Variants in CCDC14 observed in about 807,000 individuals in gnomAD.
CCDC14 encodes the protein coiled-coil domain-containing protein 14.
Under a neutral mutation model 81.4 loss-of-function variants are expected in CCDC14, and 71 were observed. The ratio of observed to expected loss-of-function variants is 0.87; its 90% CI spans 0.72 to 1.06. The LOEUF is 1.06. Among genes scored for constraint, CCDC14 ranks in the 50% least tolerant of loss-of-function variants. The probability of loss-of-function intolerance (pLI) is 0.00; values close to 1 mark genes in which losing one functional copy is unlikely to be tolerated. For synonymous variants in CCDC14, 332 were observed against 364.8 expected, an observed-to-expected ratio of 0.91 and a Z score of 1.03; for missense variants, 1,046 against 1,047.3, an observed-to-expected ratio of 1.00 and a Z score of 0.02.
At chr3:123,939,953 G>A (rs1350256413) in intron 9 of CCDC14, among the ~76,000 whole-genome samples, 1 of 151,838 alleles carries the variant, frequency 6.6e-6, no homozygotes, top group Non-Finnish European at 1.5e-5. Context: ...ACAGAACATT[G>A]TGAATTTATT....
rs148584055 is a variant in CCDC14, at chr3:123,914,873, C to T, written c.2624G>A (p.Arg875His). ...SISSFSTFTSRDEQDFRNGLA... is the reference protein window; with the variant it reads ...SISSFSTFTSHDEQDFRNGLA... Reference sequence around the variant, plus strand: ...GCCATTTCTGAAGTCTTGTTCATCACGAGAAGTGAACGTTGAAAACGAAGA... The same window carrying T: ...GCCATTTCTGAAGTCTTGTTCATCATGAGAAGTGAACGTTGAAAACGAAGA... Residue 875 changes from arginine (R) to histidine (H), a missense_variant, in exon 13 of 13, where the codon CGT becomes CAT. Physicochemically the swap from Arg to His is conservative, Grantham distance 29 (BLOSUM62 0). Transcript: ENST00000409697. 35 of 1,612,758 alleles carry T rather than the reference C, an allele frequency of 2.2e-5. No individual in the cohort carries two copies. The highest frequency in any genetic ancestry group is 1.7e-4 in the Middle Eastern group (1 of 6,060).
At chr3:123,890,338 TC>T in the CCDC14 span, among the ~76,000 whole-genome samples, 1 of 152,120 alleles carries the variant, frequency 6.6e-6, no homozygotes, top group Non-Finnish European at 1.5e-5. Context: ...CCCGCCAAAA[TC>T]TTAAATCATT....
intron 12 of CCDC14, among the ~76,000 whole-genome samples, chr3:123,927,689 G>T (rs1288311384): frequency 6.6e-6 from 1 of 151,906 alleles, no homozygotes; most frequent in Non-Finnish European, 1.5e-5. Flanking sequence ...ACGAAAAGGA[G>T]AGCAAAAGTC....
chr3:123,944,030 T>A (rs954128576), intron 9 of CCDC14, among the ~76,000 whole-genome samples: 6 of 152,110 alleles, frequency 3.9e-5, no homozygotes, highest in Non-Finnish European at 5.9e-5. Flanking sequence ...GGGCTTGTGA[T>A]TGGCATTGGA....
downstream of CCDC14, among the ~76,000 whole-genome samples, chr3:123,895,216 C>T (rs1176382156): frequency 2.0e-5 from 3 of 152,108 alleles, no homozygotes; most frequent in African/African-American, 7.2e-5. Context: ...TCTGGATCTC[C>T]CATCTGTCTA....
At position 123,946,788 on chromosome 3, in the gene CCDC14, A is replaced by G. The variant is rs112749405; in HGVS notation, c.1201+15T>C. 3.1e-4 allele frequency: 489 copies of G among 1,602,260 alleles called. 1 individual carries two copies. The African/African-American group carries it at 3.5e-3, about 12-fold the overall frequency. ...GTATAACACCATACTACAGAAAGTT[A>G]TAAGTCCCATCTACCTTGTTCTGCT... is the stretch of plus-strand genomic sequence containing the variant. On this transcript the variant is annotated intron_variant, in intron 8 of 12. Coordinates refer to ENST00000409697, the MANE Select transcript of CCDC14 (RefSeq NM_001366335.1).
intron 9 of CCDC14, 136 bp downstream of exon 9, chr3:123,944,713 G>A: frequency 1.8e-6 from 1 of 564,778 alleles, no homozygotes; most frequent in South Asian, 4.4e-5. Flanking sequence ...TCTGAAAAAT[G>A]AGGAAGAAAA....
At chr3:123,929,093 A>T (rs1000490995) in intron 12 of CCDC14, among the ~76,000 whole-genome samples, 2 of 152,210 alleles carry the variant, frequency 1.3e-5, no homozygotes, top group African/African-American at 4.8e-5. Flanking sequence ...ACTACCAGAG[A>T]ACTACATCCT....
chr3:123,903,269 T>C (rs1349304143), intron 5 of CCDC14, among the ~76,000 whole-genome samples: 1 of 150,446 alleles, frequency 6.6e-6, no homozygotes, highest in African/African-American at 2.5e-5. Context: ...TGCTTGAAAT[T>C]CTCCATAATA....
chr3:123,885,847 T>G, the CCDC14 span, among the ~76,000 whole-genome samples: 9 of 152,284 alleles, frequency 5.9e-5, no homozygotes, highest in East Asian at 1.7e-3. Flanking sequence ...TTGTTTTCAT[T>G]TATTAGTTCA....
chr3:123,885,977 TTC>T, the CCDC14 span, among the ~76,000 whole-genome samples: 1 of 152,200 alleles, frequency 6.6e-6, no homozygotes, highest in African/African-American at 2.4e-5. Context: ...AAGGAATTGA[TTC>T]TCTGTCATTC....
chr3:123,946,750 A>C, intron 8 of CCDC14, 53 bp downstream of exon 8: 1 of 1,452,028 alleles, frequency 6.9e-7, no homozygotes, highest in Non-Finnish European at 9.4e-7. Context: ...AAATAACATG[A>C]CATTGCTATT....
In CCDC14 at chr3:123,924,622, G is replaced by A. The variant is rs553276728; in HGVS notation, c.1778+6480C>T. Among the ~76,000 whole-genome samples the A allele has an allele frequency of 2.6e-5, 4 of 152,068 alleles. No individual in the cohort carries two copies. In the East Asian group the frequency reaches 7.7e-4, roughly 29 times the overall value. On this transcript the variant is annotated intron_variant, in intron 12 of 12. Transcript: ENST00000409697. ...ACAAATAATTAAAAAATGGGCAAAG[G>A]ACATTTCTCCATTTAAATGGCCAAT... is the stretch of plus-strand genomic sequence containing the variant.
intron 9 of CCDC14, among the ~76,000 whole-genome samples, chr3:123,938,692 C>A (rs1222014972): frequency 6.6e-6 from 1 of 151,620 alleles, no homozygotes; most frequent in Non-Finnish European, 1.5e-5. Flanking sequence ...CCAGCATATG[C>A]AGAGACAAAA....
At chr3:123,952,648 C>T (rs766745378) in intron 5 of CCDC14, 3 of 525,678 alleles carry the variant, frequency 5.7e-6, no homozygotes, top group South Asian at 1.4e-5. Flanking sequence ...CATATCATCC[C>T]AGATAGAAAG....
chr3:123,933,085 T>C (rs2035836351), intron 10 of CCDC14, among the ~76,000 whole-genome samples: 1 of 144,144 alleles, frequency 6.9e-6, no homozygotes, highest in South Asian at 2.2e-4. Context: ...GGCCACAGAG[T>C]GACGCCGTCT....
rs72962762 is a variant in CCDC14, at chr3:123,915,890, A to G, written c.1779-172T>C. Among the ~76,000 whole-genome samples the G allele has an allele frequency of 5.6e-3, 849 of 152,306 alleles. 13 individuals carry two copies. The highest frequency in any genetic ancestry group is 0.02 in the African/African-American group (813 of 41,564). On this transcript the variant is annotated intron_variant, in intron 12 of 12. Transcript: ENST00000409697. Reference sequence around the variant, plus strand: ...GAACGTGCTTTGGCAAGAGCATATAATAATTAAAATAACAATGATAAAATA... The same window carrying G: ...GAACGTGCTTTGGCAAGAGCATATAGTAATTAAAATAACAATGATAAAATA...
intron 9 of CCDC14, among the ~76,000 whole-genome samples, chr3:123,937,601 CTCAG>C (rs1418295665): frequency 1.3e-5 from 2 of 151,936 alleles, no homozygotes; most frequent in South Asian, 2.1e-4. Context: ...AATATTTTCT[CTCAG>C]TCTGTTGGTT....
In CCDC14 at chr3:123,915,517, T is replaced by C. The variant is rs904726391; in HGVS notation, c.1980A>G (p.Pro660=). 6 of 1,613,908 alleles carry C rather than the reference T, an allele frequency of 3.7e-6. No homozygotes were observed. Among genetic ancestry groups the C allele is most frequent in the African/African-American group, 1.3e-5 (1 of 74,940 alleles). Residue 660 remains proline, a synonymous_variant, in exon 13 of 13, where the codon CCA becomes CCG. Coordinates refer to ENST00000409697, the MANE Select transcript of CCDC14 (RefSeq NM_001366335.1). ...TTTCCTCATTTTTAATTGTAGAAAGTGGCTCTGAATGTGTAAAACTGTAAT... is the reference window on the plus strand; with the variant it reads ...TTTCCTCATTTTTAATTGTAGAAAGCGGCTCTGAATGTGTAAAACTGTAAT... ...ETNYSFTHSE[P]LSTIKNEETI...
Sources: allele counts gnomAD v4.1 joint callset (sites outside exome capture counted in the v4.1 genomes callset), GRCh38; gene constraint gnomAD v4.1.1; transcripts MANE v1.5; gene names NCBI Gene and HGNC (gene_info 2026-07-23, HGNC 2026-07-21).